Variants in TRAIP observed in about 807,000 individuals in gnomAD.
TRAIP encodes E3 ubiquitin-protein ligase TRAIP.
TRAIP carries 37 observed loss-of-function variants against 65.0 expected under a neutral mutation model. The observed-to-expected ratio is 0.57, with a 90% CI of 0.44 to 0.75. The LOEUF is 0.75. TRAIP is among the 30% of genes least tolerant of loss of function. The pLI, the probability that TRAIP is intolerant of heterozygous loss-of-function variation, is 0.00. For missense variants in TRAIP, 481 were observed against 579.4 expected, an observed-to-expected ratio of 0.83 and a Z score of 1.74; for synonymous variants, 187 against 219.1, an observed-to-expected ratio of 0.85 and a Z score of 1.29.
At chr3:49,850,956 C>T (rs1337294325) in intron 1 of TRAIP, among the ~76,000 whole-genome samples, 5 of 150,930 alleles carry the variant, frequency 3.3e-5, no homozygotes, top group African/African-American at 9.7e-5. Flanking sequence ...CAATAGCCTG[C>T]GTTTTCCTGT....
intron 2 of TRAIP, 138 bp from the exon 3 acceptor site, chr3:49,847,746 C>T (rs1303405960): frequency 3.1e-6 from 2 of 650,176 alleles, no homozygotes; most frequent in Non-Finnish European, 5.5e-6. Flanking sequence ...AAAGTACATC[C>T]TTTAGAGTCA....
intron 10 of TRAIP, among the ~76,000 whole-genome samples, chr3:49,833,700 C>T (rs566561702): frequency 6.6e-6 from 1 of 152,246 alleles, no homozygotes; most frequent in African/African-American, 2.4e-5. Flanking sequence ...AGGATGGTCT[C>T]GCTCTCCTGA....
intron 11 of TRAIP, 67 bp downstream of exon 11, chr3:49,831,849 G>T (rs2081735471): frequency 1.6e-5 from 23 of 1,440,718 alleles, no homozygotes; most frequent in Non-Finnish European, 2.1e-5. Flanking sequence ...TAACAGCACA[G>T]GGCCTGCAGA....
At chr3:49,855,496 G>T (rs991143191) in intron 1 of TRAIP, among the ~76,000 whole-genome samples, 3 of 152,150 alleles carry the variant, frequency 2.0e-5, no homozygotes, top group African/African-American at 7.2e-5. Flanking sequence ...AAGGATAGAA[G>T]AAAATAGAGT....
chr3:49,853,516 G>A (rs930266106), intron 1 of TRAIP, among the ~76,000 whole-genome samples: 1 of 152,122 alleles, frequency 6.6e-6, no homozygotes, highest in East Asian at 1.9e-4. Context: ...GACAGCTGAA[G>A]TGGCTATACT....
rs772978039 is a variant in TRAIP, at chr3:49,844,523, C to T, written c.280+18G>A. 7 of 1,613,292 alleles carry T rather than the reference C, an allele frequency of 4.3e-6. No individual in the cohort carries two copies. The highest frequency in any genetic ancestry group is 4.5e-5 in the East Asian group (2 of 44,876). ...AAGTCAGGGGCTTCCCAGCACCCCT[C>T]GTCTCTTGCTAACTCACCTTTCTGG... On this transcript the variant is annotated intron_variant, in intron 4 of 14. Coordinates refer to ENST00000331456, the MANE Select transcript of TRAIP (RefSeq NM_005879.3).
chr3:49,839,298 A>T (rs2081816756), intron 10 of TRAIP, among the ~76,000 whole-genome samples: 1 of 151,766 alleles, frequency 6.6e-6, no homozygotes, highest in South Asian at 2.1e-4. Context: ...AGCCTTGAGG[A>T]TGCTCTCAGC....
Position 49,829,074 on chromosome 3 carries a change from T to G in TRAIP, c.*29A>C, listed in dbSNP as rs934682677. The G allele has an allele frequency of 1.2e-6, 2 of 1,614,010 alleles. No individual in the cohort carries two copies. Among genetic ancestry groups the G allele is most frequent in the African/African-American group, 2.7e-5 (2 of 74,932 alleles). ...CCTTGACCTACAAGTTGCAGGCATG[T>G]GTCTGGCCATTGGTCAGACTCACTG... On this transcript the variant is annotated 3_prime_UTR_variant, in exon 15 of 15. Coordinates refer to ENST00000331456, the MANE Select transcript of TRAIP (RefSeq NM_005879.3).
Position 49,842,434 on chromosome 3 carries a change from G to A in TRAIP, c.503+19C>T. The A allele has an allele frequency of 6.2e-7, 1 of 1,613,022 alleles. No individual in the cohort carries two copies. On this transcript the variant is annotated intron_variant, in intron 6 of 14. Coordinates refer to ENST00000331456, the MANE Select transcript of TRAIP (RefSeq NM_005879.3). ...CCCTGGGGGCAAAGGCACAGTGCAG[G>A]ACCCAGCTCCAAACTCACTGCTCCA...
At position 49,832,047 on chromosome 3, in the gene TRAIP, A is replaced by T; in HGVS notation, c.906T>A (p.Asn302Lys). 1 of 1,597,892 alleles carries T rather than the reference A, an allele frequency of 6.3e-7. No individual in the cohort carries two copies. The part of the protein sequence containing the change: ...VLESPAPVEV[N>K]LKLRRPSFRD... Reference sequence around the variant, plus strand: ...GGAAGGATGGCCGGCGGAGCTTCAGATTCACCTCCACAGGGGCTGGGCTGA... The same window carrying T: ...GGAAGGATGGCCGGCGGAGCTTCAGTTTCACCTCCACAGGGGCTGGGCTGA... The change falls in exon 11 of 15, where the codon AAT (asparagine) becomes AAA (lysine). Residue 302 changes from asparagine (N) to lysine (K), a missense_variant. By Grantham distance (94) the Asn-to-Lys change is moderately conservative. Transcript: ENST00000331456.
In TRAIP at chr3:49,841,222, A is replaced by G; in HGVS notation, c.618-150T>C. 1.6e-5 allele frequency: 11 copies of G among 672,398 alleles called. No homozygotes were observed. In the South Asian group the frequency reaches 1.9e-4, roughly 12 times the overall value. 41.7% of individuals were successfully genotyped at this position (672,398 alleles called of 1,614,324 possible). On this transcript the variant is annotated intron_variant, in intron 7 of 14. Coordinates refer to ENST00000331456, the MANE Select transcript of TRAIP (RefSeq NM_005879.3). Reference sequence around the variant, plus strand: ...CTGAGCCCAACAAGTACCAGGTGGCACTGTGGAGGGTCCTGCAGAGAATGC... The same window carrying G: ...CTGAGCCCAACAAGTACCAGGTGGCGCTGTGGAGGGTCCTGCAGAGAATGC...
intron 10 of TRAIP, among the ~76,000 whole-genome samples, chr3:49,832,859 TTC>T (rs1253011593): frequency 6.6e-6 from 1 of 151,926 alleles, no homozygotes; most frequent in East Asian, 1.9e-4. Context: ...CAAAGATGCC[TTC>T]TCTCTTTCCT....
chr3:49,847,656 C>T (rs528081081), intron 2 of TRAIP, 48 bp from the exon 3 acceptor site: 17 of 1,372,526 alleles, frequency 1.2e-5, no homozygotes, highest in Middle Eastern at 3.6e-4. Flanking sequence ...CTGGGTCATG[C>T]GCAAGGAGGA....
At chr3:49,841,748 A>G in intron 7 of TRAIP, 78 bp downstream of exon 7, 1 of 1,162,438 alleles carries the variant, frequency 8.6e-7, no homozygotes, top group Non-Finnish European at 1.3e-6. Flanking sequence ...TCTGCTTTAC[A>G]AGAGATGGGG....
At chr3:49,832,404 T>C (rs1371735340) in intron 10 of TRAIP, among the ~76,000 whole-genome samples, 1 of 150,570 alleles carries the variant, frequency 6.6e-6, no homozygotes, top group Non-Finnish European at 1.5e-5. Flanking sequence ...GCAGGAGAAT[T>C]GCTTGAACTC....
At chr3:49,840,954 C>G (rs374448786) in intron 8 of TRAIP, 31 bp downstream of exon 8, 4 of 1,602,122 alleles carry the variant, frequency 2.5e-6, no homozygotes, top group Non-Finnish European at 3.4e-6. Context: ...AGAGCCACTT[C>G]TCCTTCAACC....
intron 8 of TRAIP, 90 bp from the exon 9 acceptor site, chr3:49,840,463 A>T: frequency 9.5e-7 from 1 of 1,057,964 alleles, no homozygotes; most frequent in Non-Finnish European, 1.5e-6. Context: ...TGATCAAGGT[A>T]GCCCAGAAGA....
chr3:49,852,230 G>A (rs1471129089), intron 1 of TRAIP, among the ~76,000 whole-genome samples: 5 of 150,944 alleles, frequency 3.3e-5, no homozygotes, highest in African/African-American at 9.7e-5. Flanking sequence ...AGCCAGGCAC[G>A]GTGGCGAGCG....
chr3:49,848,574 A>G (rs544538568), intron 1 of TRAIP, among the ~76,000 whole-genome samples: 1 of 152,364 alleles, frequency 6.6e-6, no homozygotes, highest in East Asian at 1.9e-4. Context: ...GGTAAGGATC[A>G]ACCAGAAATA....
Sources: allele counts gnomAD v4.1 joint callset (sites outside exome capture counted in the v4.1 genomes callset), GRCh38; gene constraint gnomAD v4.1.1; transcripts MANE v1.5; gene names NCBI Gene and HGNC (gene_info 2026-07-23, HGNC 2026-07-21).